Variants in SGSM1 observed in about 807,000 individuals in gnomAD.
SGSM1 encodes the protein small G protein signaling modulator 1, also known as RUN and TBC1 domain containing 2.
Under a neutral mutation model 133.8 loss-of-function variants are expected in SGSM1, and 73 were observed. That is an observed-to-expected ratio of 0.55 (90% CI 0.45 to 0.66). SGSM1 has a LOEUF of 0.66. Ranked by LOEUF, SGSM1 falls within the 30% of genes least tolerant of loss-of-function variation. SGSM1 has a pLI of 0.00. For missense variants in SGSM1, 1,213 were observed against 1,448.1 expected, an observed-to-expected ratio of 0.84 and a Z score of 2.64; for synonymous variants, 563 against 573.0, an observed-to-expected ratio of 0.98 and a Z score of 0.25.
chr22:24,855,540 C>T lies in SGSM1; in HGVS notation c.670-9C>T. ...CCTCATCCCTCTGTCTCCCGTCACT[C>T]TCTACCAGATCCAGAAGAGGCATTC... On this transcript the variant is annotated splice_polypyrimidine_tract_variant and intron_variant, in intron 7 of 24. Transcript: ENST00000400358. 6.2e-7 allele frequency: 1 copy of T among 1,613,862 alleles called. No homozygotes were observed. Among genetic ancestry groups the T allele is most frequent in the South Asian group, 1.1e-5 (1 of 91,056 alleles).
intron 22 of SGSM1, among the ~76,000 whole-genome samples, chr22:24,913,154 A>C (rs984551528): frequency 6.6e-6 from 1 of 151,924 alleles, no homozygotes; most frequent in African/African-American, 2.4e-5. Flanking sequence ...TTAGCAGGGC[A>C]TGGAGGCAGG....
intron 19 of SGSM1, among the ~76,000 whole-genome samples, chr22:24,900,340 C>CTTCTTCCT (rs1933089426): frequency 7.9e-6 from 1 of 126,032 alleles, no homozygotes; most frequent in Non-Finnish European, 1.6e-5. Context: ...TTGTTAACCT[C>CTTCTTCCT]TTCTTTCTTT....
rs536639353 is a variant in SGSM1 at position 24,859,172 on chromosome 22, A to G, written c.802-544A>G. ...GGGGTGGTGACATCACCCTCCCCAC[A>G]CACCCACCTGGAATAAAACAAAGCC... On this transcript the variant is annotated intron_variant, in intron 8 of 24. Transcript: ENST00000400358. Among the ~76,000 whole-genome samples, 42 of 152,280 alleles carry G rather than the reference A, an allele frequency of 2.8e-4. No homozygotes were observed. The South Asian group carries it at 8.7e-3, about 32-fold the overall frequency.
intron 10 of SGSM1, among the ~76,000 whole-genome samples, chr22:24,867,526 CAG>C (rs1317178480): frequency 1.3e-5 from 2 of 152,200 alleles, no homozygotes; most frequent in Non-Finnish European, 2.9e-5. Context: ...CACCCACTGA[CAG>C]GGTGACATCA....
At position 24,912,984 on chromosome 22, in the gene SGSM1, T is replaced by G. The variant is rs571634776; in HGVS notation, c.2928+232T>G. 4.6e-5 allele frequency among the ~76,000 whole-genome samples: 7 copies of G among 152,208 alleles called. No individual in the cohort carries two copies. In the East Asian group the frequency reaches 1.4e-3, roughly 29 times the overall value. Reference sequence around the variant, plus strand: ...TAAATTATTAGAATTATCATGGAAATGAAGTAAACTAATGATTTTATAGTG... The same window carrying G: ...TAAATTATTAGAATTATCATGGAAAGGAAGTAAACTAATGATTTTATAGTG... On this transcript the variant is annotated intron_variant, in intron 22 of 24. Coordinates refer to ENST00000400358, the MANE Select transcript of SGSM1 (RefSeq NM_001098497.3).
In SGSM1 at chr22:24,905,163, C is replaced by G; in HGVS notation, c.2794C>G (p.Pro932Ala). The change falls in exon 21 of 25, where the codon CCA becomes GCA. Residue 932 changes from proline (P) to alanine (A), a missense_variant. By Grantham distance (27) the Pro-to-Ala change is conservative. Coordinates refer to ENST00000400358, the MANE Select transcript of SGSM1 (RefSeq NM_001098497.3). ...YVQGMCDLLA[P>A]LLVILDDEAL... ...CCAGGGCATGTGTGATCTTCTGGCTCCACTGCTGGTCATTCTGGATGATGG... is the reference window on the plus strand; with the variant it reads ...CCAGGGCATGTGTGATCTTCTGGCTGCACTGCTGGTCATTCTGGATGATGG... 6.2e-7 allele frequency: 1 copy of G among 1,613,998 alleles called. No individual in the cohort carries two copies.
At chr22:24,898,699 G>C (rs1010312011) in intron 19 of SGSM1, 140 bp downstream of exon 19, 5 of 809,492 alleles carry the variant, frequency 6.2e-6, no homozygotes, top group Non-Finnish European at 9.5e-6. Context: ...AGGATTCACT[G>C]TAGAAACCCA....
Position 24,922,538 on chromosome 22 carries a change from C to G in SGSM1, c.3194-1648C>G, listed in dbSNP as rs192086331. Among the ~76,000 whole-genome samples, 4 of 148,332 alleles carry G rather than the reference C, an allele frequency of 2.7e-5. 1 individual carries two copies. In the South Asian group the frequency reaches 8.6e-4, roughly 32 times the overall value. On this transcript the variant is annotated intron_variant, in intron 24 of 24. Transcript: ENST00000400358. Reference sequence around the variant, plus strand: ...TCACCCAGGCTGGAGTGCAGTGGCGCGATCTCGACTCACTGCAAGCTCTGC... The same window carrying G: ...TCACCCAGGCTGGAGTGCAGTGGCGGGATCTCGACTCACTGCAAGCTCTGC...
intron 12 of SGSM1, among the ~76,000 whole-genome samples, chr22:24,873,562 G>A (rs1159748088): frequency 6.6e-6 from 1 of 152,120 alleles, no homozygotes; most frequent in East Asian, 1.9e-4. Flanking sequence ...TCAGAGTCAA[G>A]TCCTCAGGCC....
chr22:24,886,522 G>A, intron 15 of SGSM1, 78 bp from the exon 16 acceptor site: 2 of 1,507,054 alleles, frequency 1.3e-6, no homozygotes, highest in Admixed American at 2.0e-5. Flanking sequence ...TGGCCAACAT[G>A]GTGAAACCCC....
At chr22:24,891,355 G>A (rs560902899) in intron 16 of SGSM1, among the ~76,000 whole-genome samples, 2 of 152,296 alleles carry the variant, frequency 1.3e-5, no homozygotes, top group South Asian at 2.1e-4. Context: ...GTAAGACCCT[G>A]TCTAAAAAAA....
chr22:24,880,676 T>C (rs929008692), intron 14 of SGSM1, among the ~76,000 whole-genome samples: 3 of 152,096 alleles, frequency 2.0e-5, no homozygotes, highest in Admixed American at 6.6e-5. Flanking sequence ...GGACCTGGCA[T>C]GAAGTAGGCA....
intron 4 of SGSM1, among the ~76,000 whole-genome samples, chr22:24,849,485 A>T (rs1033106082): frequency 3.3e-5 from 5 of 152,210 alleles, no homozygotes; most frequent in Non-Finnish European, 5.9e-5. Context: ...CCCAGGAGGC[A>T]GAGGTTGTGG....
chr22:24,845,941 T>TTTTCTTTTCTTTTCTTTC (rs1491325876), intron 3 of SGSM1, among the ~76,000 whole-genome samples: 23 of 115,706 alleles, frequency 2.0e-4, no homozygotes, highest in Non-Finnish European at 3.4e-4. Flanking sequence ...TTTTCTTTTC[T>TTTTCTTTTCTTTTCTTTC]TTTCTTTCTT....
At chr22:24,809,697 G>A (rs1318716074) in intron 2 of SGSM1, among the ~76,000 whole-genome samples, 2 of 152,188 alleles carry the variant, frequency 1.3e-5, no homozygotes, top group East Asian at 3.8e-4. Context: ...ATATAGCAGG[G>A]ACAGGCCCCT....
intron 9 of SGSM1, 63 bp from the exon 10 acceptor site, chr22:24,867,030 G>GCT: frequency 4.5e-6 from 7 of 1,542,934 alleles, no homozygotes; most frequent in Middle Eastern, 1.8e-4. Context: ...GCTGGCCTCT[G>GCT]AGCCCCTCCG....
chr22:24,909,022 G>A (rs924750208), intron 21 of SGSM1, among the ~76,000 whole-genome samples: 6 of 152,140 alleles, frequency 3.9e-5, no homozygotes, highest in Non-Finnish European at 5.9e-5. Flanking sequence ...TACAGCCTGA[G>A]CTCCACCTCC....
Position 24,884,132 on chromosome 22 carries a change from C to A in SGSM1, c.1575C>A (p.Asp525Glu). 1 of 1,613,952 alleles carries A rather than the reference C, an allele frequency of 6.2e-7. No individual in the cohort carries two copies. Among genetic ancestry groups the A allele is most frequent in the Non-Finnish European group, 8.5e-7 (1 of 1,179,882 alleles). The change falls in exon 15 of 25, where the codon GAC becomes GAA. Residue 525 changes from aspartate (D) to glutamate (E), a missense_variant. Transcript: ENST00000400358. The stretch of plus-strand genomic sequence containing the variant: ...TCAATCACATGATCGTGTCTCCAGA[C>A]TTGCCCTGCGATGCTGGACAGGGAC... The part of the protein sequence containing the change: ...ALVNHMIVSP[D>E]LPCDAGQGLT...
At position 24,884,153 on chromosome 22, in the gene SGSM1, G is replaced by A. The variant is rs1443818613; in HGVS notation, c.1596G>A (p.Gln532=). The A allele has an allele frequency of 6.2e-7, 1 of 1,613,878 alleles. No homozygotes were observed. Among genetic ancestry groups the A allele is most frequent in the African/African-American group, 1.3e-5 (1 of 74,934 alleles). The part of the protein sequence containing the change: ...VSPDLPCDAG[Q]GLTARIWEQY... ...CAGACTTGCCCTGCGATGCTGGACA[G>A]GGACTGACAGCCAGGATCTGGGAGC... The change falls in exon 15 of 25, where the codon CAG becomes CAA. Residue 532 remains glutamine (Q), a synonymous_variant. Coordinates refer to ENST00000400358, the MANE Select transcript of SGSM1 (RefSeq NM_001098497.3).
Sources: gnomAD v4.1 joint callset for allele counts (sites outside exome capture counted in the v4.1 genomes callset) on GRCh38, gnomAD v4.1.1 for gene constraint, MANE v1.5 for transcripts, NCBI Gene and HGNC (gene_info 2026-07-23, HGNC 2026-07-21) for gene names.